Variants in BDKRB1 observed in about 807,000 individuals in gnomAD.
The protein encoded by BDKRB1 is B1 bradykinin receptor.
For synonymous variants in BDKRB1, 192 were observed against 189.1 expected (o/e 1.02, Z -0.13); for missense variants, 414 against 441.4 (o/e 0.94, Z 0.56).
In BDKRB1 at chr14:96,262,730, C is replaced by T. The variant is rs1288301953; in HGVS notation, c.-51C>T. The T allele has an allele frequency of 4.5e-6, 2 of 439,802 alleles. No individual in the cohort carries two copies. Among genetic ancestry groups the T allele is most frequent in the South Asian group, 3.2e-5 (2 of 62,030 alleles). The allele number at this position is 439,802 out of a possible 1,614,324, so 27.2% of individuals were successfully genotyped here. A position where few individuals can be genotyped will look rare whatever the true frequency, so the allele number is the denominator to read the frequency against. ...GCAGCCTCGACCTTCCAGGCTTAAACGATTCTCCCACCTCAGCCTCTCGAG... is the reference window on the plus strand; with the variant it reads ...GCAGCCTCGACCTTCCAGGCTTAAATGATTCTCCCACCTCAGCCTCTCGAG... On this transcript the variant is annotated 5_prime_UTR_variant, in exon 2 of 3. In the 5' UTR this introduces an upstream ATG that the reference lacks. Transcript: ENST00000216629.
At position 96,264,447 on chromosome 14, in the gene BDKRB1, C is replaced by G. The variant is rs150459277; in HGVS notation, c.765C>G (p.Leu255=). The change falls in exon 3 of 3, where the codon CTC becomes CTG. Residue 255 remains leucine, a synonymous_variant. Transcript: ENST00000216629. Reference sequence around the variant, plus strand: ...AGACCACAGCGCTGATCCTCACGCTCGTGGTTGCCTTCCTGGTCTGCTGGG... The same window carrying G: ...AGACCACAGCGCTGATCCTCACGCTGGTGGTTGCCTTCCTGGTCTGCTGGG... The part of the protein sequence containing the change: ...DSKTTALILT[L]VVAFLVCWAP... The G allele has an allele frequency of 1.9e-6, 3 of 1,614,230 alleles. No individual in the cohort carries two copies. In the East Asian group the frequency reaches 6.7e-5, roughly 36 times the overall value.
intron 1 of BDKRB1, among the ~76,000 whole-genome samples, chr14:96,260,105 A>G (rs188878960): frequency 2.3e-3 from 353 of 151,326 alleles, no homozygotes; most frequent in Non-Finnish European, 3.9e-3. Context: ...GCTCACTGCA[A>G]CCTCTGCCTC....
At chr14:96,257,986 A>T (rs1415593795) in intron 1 of BDKRB1, among the ~76,000 whole-genome samples, 1 of 150,990 alleles carries the variant, frequency 6.6e-6, no homozygotes, top group Non-Finnish European at 1.5e-5. Flanking sequence ...GTAGGGAGGG[A>T]AGGAGAGAAG....
At chr14:96,260,065 C>T (rs922939792) in intron 1 of BDKRB1, among the ~76,000 whole-genome samples, 2 of 149,932 alleles carry the variant, frequency 1.3e-5, no homozygotes, top group Admixed American at 6.7e-5. Context: ...CACTCTGTCA[C>T]CCAGGCTGGA....
At chr14:96,261,642 C>T (rs1885751647) in intron 1 of BDKRB1, among the ~76,000 whole-genome samples, 1 of 152,234 alleles carries the variant, frequency 6.6e-6, no homozygotes, top group Non-Finnish European at 1.5e-5. Flanking sequence ...TCTCAGGTGT[C>T]ACCCATTAAT....
Position 96,264,585 on chromosome 14 carries a change from C to A in BDKRB1, c.903C>A (p.Ala301=). The A allele has an allele frequency of 6.2e-7, 1 of 1,614,204 alleles. No individual in the cohort carries two copies. The highest frequency in any genetic ancestry group is 8.5e-7 in the Non-Finnish European group (1 of 1,180,042). The part of the protein sequence containing the change: ...DLGLQLANFF[A]FTNSSLNPVI... ...GCCTGCAATTGGCCAACTTCTTTGC[C>A]TTCACTAACAGCTCCCTGAATCCAG... Residue 301 remains alanine (A), a synonymous_variant, in exon 3 of 3, where the codon GCC becomes GCA. Coordinates refer to ENST00000216629, the MANE Select transcript of BDKRB1 (RefSeq NM_000710.4).
rs965789691 is a variant in BDKRB1 at position 96,264,513 on chromosome 14, G to A, written c.831G>A (p.Gln277=). ...HFFAFLEFLF[Q]VQAVRGCFWE... is the part of the protein sequence containing the mutation. Reference sequence around the variant, plus strand: ...TTGCCTTCCTGGAATTCTTATTCCAGGTGCAAGCAGTCCGAGGCTGCTTTT... The same window carrying A: ...TTGCCTTCCTGGAATTCTTATTCCAAGTGCAAGCAGTCCGAGGCTGCTTTT... Residue 277 remains glutamine, a synonymous_variant, in exon 3 of 3, where the codon CAG becomes CAA. Transcript: ENST00000216629. 2.5e-6 allele frequency: 4 copies of A among 1,614,054 alleles called. No homozygotes were observed. Among genetic ancestry groups the A allele is most frequent in the African/African-American group, 1.3e-5 (1 of 74,924 alleles).
chr14:96,262,868 T>C (rs1885790058), intron 2 of BDKRB1, 98 bp downstream of exon 2: 8 of 350,952 alleles, frequency 2.3e-5, no homozygotes, highest in South Asian at 1.7e-4. Flanking sequence ...GTTCATCTGA[T>C]CCATCTGCCT....
At chr14:96,260,250 C>G (rs985069292) in intron 1 of BDKRB1, among the ~76,000 whole-genome samples, 5 of 152,170 alleles carry the variant, frequency 3.3e-5, no homozygotes, top group Admixed American at 6.5e-5. Context: ...TCTTGAACTC[C>G]TGACCTCATG....
chr14:96,257,682 C>A (rs1400054648), intron 1 of BDKRB1, among the ~76,000 whole-genome samples: 2 of 152,200 alleles, frequency 1.3e-5, no homozygotes, highest in African/African-American at 2.4e-5. Context: ...GGGAATTCTA[C>A]AGATTCCCAC....
chr14:96,264,725 A>C lies in BDKRB1; in HGVS notation c.1043A>C (p.Gln348Pro), dbSNP rs747602025. The change falls in exon 3 of 3, where the codon CAA becomes CCA. Residue 348 changes from glutamine (Q) to proline (P), a missense_variant. Coordinates refer to ENST00000216629, the MANE Select transcript of BDKRB1 (RefSeq NM_000710.4). ...TCATCCCATAGGAAAGAAATCTTCC[A>C]ACTTTTCTGGCGGAATTAAAACAGC... is the stretch of plus-strand genomic sequence containing the variant. The part of the protein sequence containing the change: ...ISSSHRKEIF[Q>P]LFWRN The C allele has an allele frequency of 1.2e-6, 2 of 1,607,446 alleles. No homozygotes were observed. The highest frequency in any genetic ancestry group is 1.7e-6 in the Non-Finnish European group (2 of 1,177,842).
intron 1 of BDKRB1, among the ~76,000 whole-genome samples, chr14:96,261,587 A>G (rs1885750340): frequency 6.6e-6 from 1 of 152,182 alleles, no homozygotes; most frequent in African/African-American, 2.4e-5. Flanking sequence ...TCTGCTACAC[A>G]ATAGCTTTTG....
intron 1 of BDKRB1, among the ~76,000 whole-genome samples, chr14:96,261,669 A>G (rs1017165251): frequency 6.6e-6 from 1 of 152,254 alleles, no homozygotes; most frequent in African/African-American, 2.4e-5. Flanking sequence ...CATGACAGTG[A>G]CAACTAATGT....
rs1885836073 is a variant in BDKRB1 at position 96,264,296 on chromosome 14, A to G, written c.614A>G (p.Glu205Gly). ...HEAWHFARIV[E>G]LNILGFLLPL... is the part of the protein sequence containing the mutation. Reference sequence around the variant, plus strand: ...GCCTGGCACTTTGCAAGGATTGTGGAGTTAAATATTCTGGGTTTCCTCCTA... The same window carrying G: ...GCCTGGCACTTTGCAAGGATTGTGGGGTTAAATATTCTGGGTTTCCTCCTA... The change falls in exon 3 of 3, where the codon GAG (glutamate) becomes GGG (glycine). Residue 205 changes from glutamate (E) to glycine (G), a missense_variant. Glu to Gly is a moderately conservative substitution (Grantham distance 98). Transcript: ENST00000216629. 1 of 1,614,064 alleles carries G rather than the reference A, an allele frequency of 6.2e-7. No individual in the cohort carries two copies. Among genetic ancestry groups the G allele is most frequent in the Admixed American group, 1.7e-5 (1 of 60,004 alleles).
At chr14:96,257,496 A>G (rs1349041667) in intron 1 of BDKRB1, among the ~76,000 whole-genome samples, 1 of 152,184 alleles carries the variant, frequency 6.6e-6, no homozygotes, top group African/African-American at 2.4e-5. Context: ...TCCCTCACAC[A>G]ACACGAGAGA....
chr14:96,259,199 A>G (rs28589399), intron 1 of BDKRB1, among the ~76,000 whole-genome samples: 1,991 of 152,300 alleles, frequency 0.013, 43 homozygotes, highest in African/African-American at 0.045. Flanking sequence ...TTTCCAACTG[A>G]TTTGGAACAA....
At chr14:96,259,186 A>G (rs1018491506) in intron 1 of BDKRB1, among the ~76,000 whole-genome samples, 4 of 152,224 alleles carry the variant, frequency 2.6e-5, no homozygotes, top group Non-Finnish European at 1.5e-5. Context: ...ACTTGACTAA[A>G]TATTTCCAAC....
At position 96,263,765 on chromosome 14, in the gene BDKRB1, A is replaced by C; in HGVS notation, c.83A>C (p.Asn28Thr). The change falls in exon 3 of 3, where the codon AAT (asparagine) becomes ACT (threonine). Residue 28 changes from asparagine to threonine, a missense_variant. Transcript: ENST00000216629. ...CCTCAAAATGCTACGGCCTGTGACA[A>C]TGCTCCAGAAGCCTGGGACCTGCTG... The part of the protein sequence containing the change: ...LFPQNATACD[N>T]APEAWDLLHR... 3 of 1,614,190 alleles carry C rather than the reference A, an allele frequency of 1.9e-6. No homozygotes were observed. The highest frequency in any genetic ancestry group is 2.5e-6 in the Non-Finnish European group (3 of 1,180,046).
chr14:96,262,721 A>C lies in BDKRB1; in HGVS notation c.-60A>C, dbSNP rs1228254847. Reference sequence around the variant, plus strand: ...TAGCTCGCTGCAGCCTCGACCTTCCAGGCTTAAACGATTCTCCCACCTCAG... The same window carrying C: ...TAGCTCGCTGCAGCCTCGACCTTCCCGGCTTAAACGATTCTCCCACCTCAG... On this transcript the variant is annotated 5_prime_UTR_variant, in exon 2 of 3. Coordinates refer to ENST00000216629, the MANE Select transcript of BDKRB1 (RefSeq NM_000710.4). 1 of 443,026 alleles carries C rather than the reference A, an allele frequency of 2.3e-6. No individual in the cohort carries two copies. The highest frequency in any genetic ancestry group is 2.5e-5 in the Admixed American group (1 of 39,664). The allele number at this position is 443,026 out of a possible 1,614,324, so 27.4% of individuals were successfully genotyped here.
Sources: allele counts gnomAD v4.1 joint callset (sites outside exome capture counted in the v4.1 genomes callset), GRCh38; gene constraint gnomAD v4.1.1; transcripts MANE v1.5; gene names NCBI Gene and HGNC (gene_info 2026-07-23, HGNC 2026-07-21).